Variants in OXR1 observed in about 807,000 individuals in gnomAD.
OXR1 encodes oxidation resistance 1.
Under a neutral mutation model 104.6 loss-of-function variants are expected in OXR1, and 41 were observed. That is an observed-to-expected ratio of 0.39 (90% CI 0.31 to 0.51). The LOEUF is 0.51. OXR1 is among the 20% of genes least tolerant of loss of function. OXR1 has a pLI of 0.77. For synonymous variants in OXR1, 348 were observed against 348.4 expected (o/e 1.00, Z 0.01); for missense variants, 955 against 1,031.9 (o/e 0.93, Z 1.02).
At chr8:106,278,541 T>C (rs565212224) in intron 1 of OXR1, among the ~76,000 whole-genome samples, 52 of 152,248 alleles carry the variant, frequency 3.4e-4, no homozygotes, top group African/African-American at 1.2e-3. Context: ...AAATTCTACA[T>C]CATCCATTAG....
chr8:106,646,237 CT>C (rs1261438375), intron 3 of OXR1, among the ~76,000 whole-genome samples: 1 of 151,930 alleles, frequency 6.6e-6, no homozygotes, highest in Non-Finnish European at 1.5e-5. Context: ...TCCCAAGTAG[CT>C]GGGATTACAG....
At chr8:106,690,164 A>G (rs535657340) in intron 6 of OXR1, among the ~76,000 whole-genome samples, 6 of 150,862 alleles carry the variant, frequency 4.0e-5, no homozygotes, top group South Asian at 2.1e-4. Context: ...TTAGACTTCA[A>G]TGTTAATATA....
At chr8:106,413,741 T>G (rs1271271882) in intron 2 of OXR1, among the ~76,000 whole-genome samples, 1 of 139,506 alleles carries the variant, frequency 7.2e-6, no homozygotes. Flanking sequence ...TTTTTTTTTT[T>G]GAGACAAAGT....
chr8:106,365,114 G>T (rs538820247), intron 2 of OXR1, among the ~76,000 whole-genome samples: 9 of 152,170 alleles, frequency 5.9e-5, no homozygotes, highest in Admixed American at 2.6e-4. Context: ...AGGGTCTATT[G>T]TTGTCAAGAA....
intron 3 of OXR1, among the ~76,000 whole-genome samples, chr8:106,539,514 A>G (rs2130312700): frequency 6.6e-6 from 1 of 152,324 alleles, no homozygotes; most frequent in Admixed American, 6.5e-5. Context: ...TTTTGATGAA[A>G]ATCAAAATTA....
rs576354413 is a variant in OXR1 at position 106,470,050 on chromosome 8, AG to A, written c.24-48892del. ...CAGTTTGGGGAGCAGCAAAGAAGCC[AG>A]AGTGGCTACAGTGCAATGAGTTAGT... On this transcript the variant is annotated intron_variant, in intron 2 of 16. Coordinates refer to ENST00000517566, the MANE Select transcript of OXR1 (RefSeq NM_001198533.2). 1.1e-4 allele frequency among the ~76,000 whole-genome samples: 16 copies of A among 151,912 alleles called. No individual in the cohort carries two copies. In the East Asian group the frequency reaches 3.1e-3, roughly 30 times the overall value.
At chr8:106,442,327 T>C (rs75613077) in intron 2 of OXR1, among the ~76,000 whole-genome samples, 1 of 152,234 alleles carries the variant, frequency 6.6e-6, no homozygotes, top group Non-Finnish European at 1.5e-5. Flanking sequence ...CAGTATTTTA[T>C]TGATAATTTT....
intron 11 of OXR1, chr8:106,726,261 T>C: frequency 6.5e-7 from 1 of 1,528,174 alleles, no homozygotes; most frequent in Non-Finnish European, 8.8e-7. Context: ...GTCTCTGGTA[T>C]GGGAAAAAAG....
chr8:106,529,929 T>C (rs974258077), intron 3 of OXR1, among the ~76,000 whole-genome samples: 2 of 152,208 alleles, frequency 1.3e-5, no homozygotes, highest in African/African-American at 2.4e-5. Flanking sequence ...ATAAGCATGA[T>C]CCTGTTTGAA....
chr8:106,445,984 C>T (rs1819998706), intron 2 of OXR1, among the ~76,000 whole-genome samples: 1 of 152,098 alleles, frequency 6.6e-6, no homozygotes, highest in African/African-American at 2.4e-5. Context: ...TTTTTCAGAC[C>T]CTACTATCTG....
At chr8:106,288,897 C>T (rs1041461318) in intron 1 of OXR1, among the ~76,000 whole-genome samples, 1 of 151,872 alleles carries the variant, frequency 6.6e-6, no homozygotes, top group Non-Finnish European at 1.5e-5. Context: ...TTTCATTCAG[C>T]AAGTATGTCG....
Position 106,697,824 on chromosome 8 carries a change from A to G in OXR1, c.675+4947A>G, listed in dbSNP as rs191132813. The G allele has an allele frequency of 1.7e-3, 2,688 of 1,612,412 alleles. 4 individuals carry two copies. The highest frequency in any genetic ancestry group is 2.1e-3 in the Non-Finnish European group (2,489 of 1,178,794). On this transcript the variant is annotated intron_variant, in intron 7 of 16. Coordinates refer to ENST00000517566, the MANE Select transcript of OXR1 (RefSeq NM_001198533.2). ...TGGGGTACAGTGCATTATTGAGCTC[A>G]CATAACACCGTGCCATCCTTGAGCC...
chr8:106,627,690 C>T (rs1419583258), intron 3 of OXR1, among the ~76,000 whole-genome samples: 1 of 152,152 alleles, frequency 6.6e-6, no homozygotes, highest in African/African-American at 2.4e-5. Context: ...TCATTTCCAG[C>T]AGGAAGCTTA....
chr8:106,318,323 T>C (rs1347692273), intron 1 of OXR1, among the ~76,000 whole-genome samples: 1 of 152,114 alleles, frequency 6.6e-6, no homozygotes, highest in East Asian at 1.9e-4. Context: ...ATAGTATTTA[T>C]TGCAGCTATC....
chr8:106,703,451 C>G (rs1035827269), intron 8 of OXR1, among the ~76,000 whole-genome samples: 1 of 151,864 alleles, frequency 6.6e-6, no homozygotes, highest in African/African-American at 2.4e-5. Context: ...TTGGAAGTGA[C>G]TGAAGAGCTG....
At chr8:106,580,949 A>G in intron 3 of OXR1, 1 of 1,001,548 alleles carries the variant, frequency 1.0e-6, no homozygotes, top group African/African-American at 1.7e-5. Context: ...GCTCTTTTGA[A>G]CCTAAAACAC....
intron 2 of OXR1, among the ~76,000 whole-genome samples, chr8:106,425,137 G>C (rs1819062661): frequency 7.2e-6 from 1 of 138,534 alleles, no homozygotes; most frequent in Non-Finnish European, 1.5e-5. Flanking sequence ...CCATCGCCCA[G>C]GTAGGAAGGT....
At chr8:106,446,528 A>G (rs1670379) in intron 2 of OXR1, among the ~76,000 whole-genome samples, 78,985 of 151,638 alleles carry the variant, frequency 0.52, 23,827 homozygotes, top group African/African-American at 0.83. Context: ...TGAGGCAAGA[A>G]AATTGCTTGA....
intron 2 of OXR1, among the ~76,000 whole-genome samples, chr8:106,432,399 C>G (rs895072888): frequency 6.6e-6 from 1 of 152,188 alleles, no homozygotes; most frequent in African/African-American, 2.4e-5. Flanking sequence ...CCCTCCTGTT[C>G]CTGCCGTGCT....
Sources: gnomAD v4.1 joint callset for allele counts (sites outside exome capture counted in the v4.1 genomes callset) on GRCh38, gnomAD v4.1.1 for gene constraint, MANE v1.5 for transcripts, NCBI Gene and HGNC (gene_info 2026-07-23, HGNC 2026-07-21) for gene names.